Variants in C22orf15 observed in about 807,000 individuals in gnomAD.
C22orf15 encodes the protein uncharacterized protein C22orf15.
A neutral mutation model predicts 20.3 loss-of-function variants in C22orf15; 21 were observed. The observed-to-expected ratio is 1.04, with a 90% CI of 0.74 to 1.49. The LOEUF (loss-of-function observed/expected upper bound fraction) is 1.49. Ranked by LOEUF, C22orf15 falls within the 40% of genes most tolerant of loss-of-function variation. The probability of loss-of-function intolerance (pLI) is 0.00; values close to 1 mark genes in which losing one functional copy is unlikely to be tolerated. For synonymous variants in C22orf15, 78 were observed against 75.4 expected (o/e 1.03, Z -0.18); for missense variants, 170 against 191.1 (o/e 0.89, Z 0.65).
rs1463778397 is a variant in C22orf15, at chr22:23,764,834, A to C, written c.367A>C (p.Asn123His). The C allele has an allele frequency of 6.2e-7, 1 of 1,613,860 alleles. No individual in the cohort carries two copies. Among genetic ancestry groups the C allele is most frequent in the Non-Finnish European group, 8.5e-7 (1 of 1,180,000 alleles). Residue 123 changes from asparagine (N) to histidine (H), a missense_variant, in exon 5 of 6, where the codon AAC becomes CAC. Physicochemically the swap from Asn to His is moderately conservative, Grantham distance 68. Transcript: ENST00000402217. ...RLSGLSSVGHNWRKRMGTRRG... is the reference protein window; with the variant it reads ...RLSGLSSVGHHWRKRMGTRRG... ...GTCAGGCCTCTCCTCTGTGGGCCAC[A>C]ACTGGAGGAAGCGTATGGGCACTCG...
rs764937850 is a variant in C22orf15 at position 23,764,697 on chromosome 22, T to C, written c.309T>C (p.His103=). The C allele has an allele frequency of 3.1e-6, 5 of 1,614,142 alleles. No homozygotes were observed. The South Asian group carries it at 3.3e-5, about 11-fold the overall frequency. The change falls in exon 4 of 6, where the codon CAT becomes CAC. Residue 103 remains histidine, a synonymous_variant. Coordinates refer to ENST00000402217, the MANE Select transcript of C22orf15 (RefSeq NM_182520.3). ...CCCTATTGGAGAACCTGGATGACCA[T>C]TACCCAGAGCTGGCAGGTGAGTGTC... ...YESLLENLDD[H]YPELAEELRR...
intron 5 of C22orf15, chr22:23,765,330 A>C: frequency 6.5e-7 from 1 of 1,547,522 alleles, no homozygotes. Context: ...GCCAAGTTGG[A>C]CTCAGACCCA....
At chr22:23,764,023 C>T in intron 1 of C22orf15, 64 bp from the exon 2 acceptor site, 1 of 1,487,832 alleles carries the variant, frequency 6.7e-7, no homozygotes, top group Non-Finnish European at 9.2e-7. Flanking sequence ...GAGGGAGAGA[C>T]AGAGGACCCC....
chr22:23,763,496 C>T (rs1041428794), intron 1 of C22orf15, among the ~76,000 whole-genome samples, 165 bp downstream of exon 1: 2 of 152,222 alleles, frequency 1.3e-5, no homozygotes, highest in African/African-American at 4.8e-5. Flanking sequence ...GCGAAGCCAG[C>T]ACCTGGAGCG....
intron 5 of C22orf15, 58 bp downstream of exon 5, chr22:23,764,960 G>T: frequency 1.9e-6 from 3 of 1,554,586 alleles, no homozygotes; most frequent in Non-Finnish European, 2.6e-6. Context: ...GTACAGAGCA[G>T]ATTTGGACAT....
rs1381564056 is a variant in C22orf15 at position 23,764,098 on chromosome 22, G to T, written c.37G>T (p.Val13Leu). ...IKVMFGAGCS[V>L]LVNTSCRLVN... ...GCCCCTCTCCACAGCTGGCTGCTCG[G>T]TGCTGGTGAACACCTCTTGCAGGCT... is the stretch of plus-strand genomic sequence containing the variant. The change falls in exon 2 of 6, where the codon GTG (valine) becomes TTG (leucine). Residue 13 changes from valine to leucine, a missense_variant. By Grantham distance (32) the Val-to-Leu change is conservative. Transcript: ENST00000402217. 4 of 1,550,712 alleles carry T rather than the reference G, an allele frequency of 2.6e-6. No individual in the cohort carries two copies. The highest frequency in any genetic ancestry group is 2.7e-5 in the African/African-American group (2 of 73,014).
At chr22:23,765,376 G>C (rs377265729) in intron 5 of C22orf15, 4 of 1,550,894 alleles carry the variant, frequency 2.6e-6, no homozygotes, top group Non-Finnish European at 3.5e-6. Context: ...TGTGTGATCA[G>C]GTGCAAACAG....
chr22:23,764,135 C>A lies in C22orf15; in HGVS notation c.74C>A (p.Thr25Asn). The A allele has an allele frequency of 6.4e-7, 1 of 1,551,456 alleles. No homozygotes were observed. Among genetic ancestry groups the A allele is most frequent in the Non-Finnish European group, 8.7e-7 (1 of 1,146,982 alleles). The stretch of plus-strand genomic sequence containing the variant: ...ACCTCTTGCAGGCTGGTGAACCTCA[C>A]CGCCCACCTGAGGCAGAAAGCAGGG... ...VNTSCRLVNL[T>N]AHLRQKAGLP... Residue 25 changes from threonine to asparagine, a missense_variant, in exon 2 of 6, where the codon ACC becomes AAC. By Grantham distance (65) the Thr-to-Asn change is moderately conservative. Transcript: ENST00000402217.
chr22:23,763,244 T>G lies in C22orf15; in HGVS notation c.-63T>G. ...GCAGGTCTCTGCTCCACGCTTTTCC[T>G]TAGTTGGGGAATCGAGAGTTGGGGG... On this transcript the variant is annotated 5_prime_UTR_variant, in exon 1 of 6. Transcript: ENST00000402217. 1 of 1,546,798 alleles carries G rather than the reference T, an allele frequency of 6.5e-7. No individual in the cohort carries two copies. Among genetic ancestry groups the G allele is most frequent in the Non-Finnish European group, 8.7e-7 (1 of 1,144,166 alleles).
chr22:23,764,657 C>T lies in C22orf15; in HGVS notation c.269C>T (p.Ser90Phe). ...VRIIKGEDMA[S>F]TRYESLLENL... Reference sequence around the variant, plus strand: ...GTCACAGAGGGAGAGGACATGGCCTCCACCCGCTATGAGTCCCTATTGGAG... The same window carrying T: ...GTCACAGAGGGAGAGGACATGGCCTTCACCCGCTATGAGTCCCTATTGGAG... The change falls in exon 4 of 6, where the codon TCC becomes TTC. Residue 90 changes from serine to phenylalanine, a missense_variant. By Grantham distance (155) the Ser-to-Phe change is radical. Coordinates refer to ENST00000402217, the MANE Select transcript of C22orf15 (RefSeq NM_182520.3). 6.2e-7 allele frequency: 1 copy of T among 1,614,204 alleles called. No homozygotes were observed. Among genetic ancestry groups the T allele is most frequent in the Non-Finnish European group, 8.5e-7 (1 of 1,180,034 alleles).
intron 3 of C22orf15, 85 bp from the exon 4 acceptor site, chr22:23,764,554 A>T (rs112223389): frequency 2.6e-5 from 40 of 1,566,386 alleles, no homozygotes; most frequent in Non-Finnish European, 3.5e-5. Context: ...CCCAGCCTGG[A>T]CTAGCAAACA....
At chr22:23,764,551 T>A in intron 3 of C22orf15, 88 bp from the exon 4 acceptor site, 10 of 1,567,216 alleles carry the variant, frequency 6.4e-6, no homozygotes, top group Non-Finnish European at 8.8e-6. Flanking sequence ...GCTCCCAGCC[T>A]GGACTAGCAA....
At position 23,765,723 on chromosome 22, in the gene C22orf15, C is replaced by T; in HGVS notation, c.438C>T (p.Gly146=). 1 of 1,550,524 alleles carries T rather than the reference C, an allele frequency of 6.4e-7. No individual in the cohort carries two copies. Among genetic ancestry groups the T allele is most frequent in the Non-Finnish European group, 8.7e-7 (1 of 1,146,444 alleles). The change falls in exon 6 of 6, where the codon GGC becomes GGT. Residue 146 remains glycine (G), a splice_region_variant and synonymous_variant. Coordinates refer to ENST00000402217, the MANE Select transcript of C22orf15 (RefSeq NM_182520.3). ...CAGGGCTCCTCCTCCCCACCCAGGG[C>T]CCTGATTAAGGGGATGGATTGCACA... ...EQSPTSRPRK[G]PD is the part of the protein sequence containing the mutation.
chr22:23,764,823 C>T lies in C22orf15; in HGVS notation c.356C>T (p.Ser119Phe). ...CTGCGCAGGCTGTCAGGCCTCTCCT[C>T]TGTGGGCCACAACTGGAGGAAGCGT... ...EELRRLSGLS[S>F]VGHNWRKRMG... Residue 119 changes from serine to phenylalanine, a missense_variant, in exon 5 of 6, where the codon TCT becomes TTT. Transcript: ENST00000402217. 6.2e-7 allele frequency: 1 copy of T among 1,614,022 alleles called. No homozygotes were observed. The highest frequency in any genetic ancestry group is 8.5e-7 in the Non-Finnish European group (1 of 1,180,004).
At chr22:23,764,743 G>A (rs749377402) in intron 4 of C22orf15, 30 bp downstream of exon 4, 7 of 1,614,108 alleles carry the variant, frequency 4.3e-6, no homozygotes, top group Non-Finnish European at 5.9e-6. Flanking sequence ...CCAGGGGGAG[G>A]GCACACCTTC....
In C22orf15 at chr22:23,764,255, C is replaced by T. The variant is rs1926256796; in HGVS notation, c.113-5C>T. 3 of 1,551,504 alleles carry T rather than the reference C, an allele frequency of 1.9e-6. No individual in the cohort carries two copies. The highest frequency in any genetic ancestry group is 1.7e-6 in the Non-Finnish European group (2 of 1,146,958). On this transcript the variant is annotated splice_polypyrimidine_tract_variant and splice_region_variant and intron_variant, in intron 2 of 5. Coordinates refer to ENST00000402217, the MANE Select transcript of C22orf15 (RefSeq NM_182520.3). Reference sequence around the variant, plus strand: ...CCTGCCCAGTCTCTCTCCATGTCCTCCCAGCGACCATTGCTCTCCTGGCTG... The same window carrying T: ...CCTGCCCAGTCTCTCTCCATGTCCTTCCAGCGACCATTGCTCTCCTGGCTG...
chr22:23,765,819 A>G lies in C22orf15; in HGVS notation c.*87A>G. The G allele has an allele frequency of 6.5e-7, 1 of 1,531,328 alleles. No homozygotes were observed. The highest frequency in any genetic ancestry group is 1.2e-5 in the South Asian group (1 of 82,788). 94.9% of individuals were successfully genotyped at this position (1,531,328 alleles called of 1,614,324 possible). The stretch of plus-strand genomic sequence containing the variant: ...CTCCCTGAAGACAGGCCATCGAGAG[A>G]GGCACACAACAGGCTGTGGTCTAAA... On this transcript the variant is annotated 3_prime_UTR_variant, in exon 6 of 6. Coordinates refer to ENST00000402217, the MANE Select transcript of C22orf15 (RefSeq NM_182520.3).
chr22:23,765,187 C>T lies in C22orf15; in HGVS notation c.435+285C>T. The T allele has an allele frequency of 6.9e-6, 10 of 1,441,966 alleles. No homozygotes were observed. In the South Asian group the frequency reaches 1.5e-4, roughly 21 times the overall value. 89.3% of individuals were successfully genotyped at this position (1,441,966 alleles called of 1,614,324 possible). ...CATAGGGGCTGGCACACAGTAGGAG[C>T]TCAGTGCACAACTGCTGGATGAACT... On this transcript the variant is annotated intron_variant, in intron 5 of 5. Coordinates refer to ENST00000402217, the MANE Select transcript of C22orf15 (RefSeq NM_182520.3).
rs962609685 is a variant in C22orf15, at chr22:23,765,118, C to G, written c.435+216C>G. Reference sequence around the variant, plus strand: ...GGTCCCCACCACCCCACGGGAGTGCCAGCGCACTAAGGGCCGGAATGTCCT... The same window carrying G: ...GGTCCCCACCACCCCACGGGAGTGCGAGCGCACTAAGGGCCGGAATGTCCT... On this transcript the variant is annotated intron_variant, in intron 5 of 5. Transcript: ENST00000402217. The G allele has an allele frequency of 5.4e-5, 77 of 1,435,548 alleles. 1 individual carries two copies. The South Asian group carries it at 8.9e-4, about 17-fold the overall frequency. The allele number at this position is 1,435,548 out of a possible 1,614,324, so 88.9% of individuals were successfully genotyped here.
Sources: allele counts gnomAD v4.1 joint callset (sites outside exome capture counted in the v4.1 genomes callset), GRCh38; gene constraint gnomAD v4.1.1; transcripts MANE v1.5; gene names NCBI Gene and HGNC (gene_info 2026-07-23, HGNC 2026-07-21).